The following NRXN1 variants were observed in gnomAD, a reference collection of about 807,000 sequenced individuals.
NRXN1 encodes neurexin 1.
NRXN1 carries 39 observed loss-of-function variants against 150.9 expected under a neutral mutation model. That is an observed-to-expected ratio of 0.26 (90% CI 0.20 to 0.34). NRXN1 has a LOEUF of 0.34. Ranked by LOEUF, NRXN1 falls within the 10% of genes least tolerant of loss-of-function variation. The probability of loss-of-function intolerance (pLI) is 1.00; values close to 1 mark genes in which losing one functional copy is unlikely to be tolerated. For synonymous variants in NRXN1, 924 were observed against 757.0 expected, an observed-to-expected ratio of 1.22 and a Z score of -3.62; for missense variants, 1,815 against 1,949.9, an observed-to-expected ratio of 0.93 and a Z score of 1.30.
At chr2:50,474,120 A>G (rs1326735933) in intron 15 of NRXN1, among the ~76,000 whole-genome samples, 2 of 151,966 alleles carry the variant, frequency 1.3e-5, no homozygotes, top group African/African-American at 4.8e-5. Context: ...TTTTGGTCAG[A>G]GAGGGGATAC....
At chr2:50,286,512 T>A (rs1402749881) in intron 17 of NRXN1, among the ~76,000 whole-genome samples, 1 of 152,202 alleles carries the variant, frequency 6.6e-6, no homozygotes, top group Non-Finnish European at 1.5e-5. Context: ...TATACCTTTT[T>A]AAAAAATATT....
intron 21 of NRXN1, among the ~76,000 whole-genome samples, chr2:49,976,316 T>C (rs1678983230): frequency 6.6e-6 from 1 of 151,882 alleles, no homozygotes; most frequent in Non-Finnish European, 1.5e-5. Context: ...TATAGAGGCA[T>C]GAGCCACCCT....
chr2:50,346,109 A>AT lies in NRXN1; in HGVS notation c.3365-109140dup, dbSNP rs970385302. On this transcript the variant is annotated intron_variant, in intron 17 of 22. Coordinates refer to ENST00000401669, the MANE Select transcript of NRXN1 (RefSeq NM_001330078.2). The surrounding 1 kb of genome is among the most constrained non-coding windows in gnomAD (Gnocchi z 5.0). ...CTCGGTTGCCCTCCTAGCTTTTCTAATTAAGGGAAGGCGTGGGGGCAAAAG... is the reference window on the plus strand; with the variant it reads ...CTCGGTTGCCCTCCTAGCTTTTCTAATTTAAGGGAAGGCGTGGGGGCAAAAG... Among the ~76,000 whole-genome samples, 3 of 152,300 alleles carry AT rather than the reference A, an allele frequency of 2.0e-5. No homozygotes were observed. Among genetic ancestry groups the AT allele is most frequent in the African/African-American group, 7.2e-5 (3 of 41,574 alleles).
intron 17 of NRXN1, among the ~76,000 whole-genome samples, chr2:50,427,847 T>G (rs1400912618): frequency 1.3e-5 from 2 of 152,204 alleles, no homozygotes; most frequent in Non-Finnish European, 2.9e-5. Flanking sequence ...ATATTTTGTC[T>G]TCTGCCATGT....
chr2:50,695,401 G>A (rs1320982814), intron 5 of NRXN1, among the ~76,000 whole-genome samples: 2 of 152,136 alleles, frequency 1.3e-5, no homozygotes, highest in Non-Finnish European at 2.9e-5. Flanking sequence ...ATAACATAAA[G>A]TGGTGTACCT....
chr2:50,750,273 T>C (rs1334626725), intron 5 of NRXN1, among the ~76,000 whole-genome samples: 1 of 152,082 alleles, frequency 6.6e-6, no homozygotes, highest in Non-Finnish European at 1.5e-5. Context: ...ATTTTTTTCA[T>C]TTCTGTTTTG....
chr2:50,201,913 C>A lies in NRXN1; in HGVS notation c.3546+34876G>T, dbSNP rs113597227. Reference sequence around the variant, plus strand: ...GGTTTTGTATTTCTCCTTTTCCTTACCTGTATTTAAAAGTTTTCCTTAAGT... The same window carrying A: ...GGTTTTGTATTTCTCCTTTTCCTTAACTGTATTTAAAAGTTTTCCTTAAGT... On this transcript the variant is annotated intron_variant, in intron 18 of 22. Coordinates refer to ENST00000401669, the MANE Select transcript of NRXN1 (RefSeq NM_001330078.2). Among the ~76,000 whole-genome samples the A allele has an allele frequency of 8.6e-3, 1,314 of 152,250 alleles. 24 individuals carry two copies. The highest frequency in any genetic ancestry group is 0.03 in the African/African-American group (1,242 of 41,558).
At chr2:51,013,109 G>A (rs1301888188) in intron 2 of NRXN1, among the ~76,000 whole-genome samples, 1 of 152,036 alleles carries the variant, frequency 6.6e-6, no homozygotes, top group Non-Finnish European at 1.5e-5. Flanking sequence ...AGTACTGGGA[G>A]GATACCCTGG....
intron 18 of NRXN1, among the ~76,000 whole-genome samples, chr2:50,185,215 A>G (rs1304804670): frequency 6.6e-6 from 1 of 152,076 alleles, no homozygotes; most frequent in African/African-American, 2.4e-5. Flanking sequence ...AGTTGAATGC[A>G]TCTGATCTAT....
intron 18 of NRXN1, among the ~76,000 whole-genome samples, chr2:50,106,355 G>T (rs1701641932): frequency 6.6e-6 from 1 of 151,936 alleles, no homozygotes; most frequent in African/African-American, 2.4e-5. Context: ...TTATACCAGT[G>T]CTGCCCTGAA....
Position 49,922,267 on chromosome 2 carries a change from T to C in NRXN1, c.4217-16A>G, listed in dbSNP as rs74520052. The C allele has an allele frequency of 6.2e-7, 1 of 1,607,878 alleles. No homozygotes were observed. The highest frequency in any genetic ancestry group is 8.5e-7 in the Non-Finnish European group (1 of 1,176,326). Reference sequence around the variant, plus strand: ...GTTGGGTTGGCTATAGAAAAGAGGATGAGAACAAACACAAAGTGATCATTG... The same window carrying C: ...GTTGGGTTGGCTATAGAAAAGAGGACGAGAACAAACACAAAGTGATCATTG... On this transcript the variant is annotated splice_polypyrimidine_tract_variant and intron_variant, in intron 22 of 22. Transcript: ENST00000401669.
chr2:50,627,332 T>C (rs966752037), intron 5 of NRXN1, among the ~76,000 whole-genome samples: 1 of 149,358 alleles, frequency 6.7e-6, no homozygotes, highest in Admixed American at 6.7e-5. Context: ...TGATGATAGG[T>C]AGTCAAGTGG....
intron 5 of NRXN1, chr2:50,917,211 C>G (rs1385578193): frequency 1.3e-5 from 2 of 151,498 alleles, no homozygotes; most frequent in Admixed American, 1.3e-4. Flanking sequence ...AAGGGTCTGT[C>G]AACATTCACA....
chr2:50,552,228 G>A (rs759484636), intron 9 of NRXN1, among the ~76,000 whole-genome samples: 4 of 152,004 alleles, frequency 2.6e-5, no homozygotes. Flanking sequence ...GCCACTTCGG[G>A]TACCTCCAAA....
intron 2 of NRXN1, among the ~76,000 whole-genome samples, chr2:50,934,002 C>T (rs1425039525): frequency 1.3e-5 from 2 of 152,056 alleles, no homozygotes; most frequent in African/African-American, 4.8e-5. Flanking sequence ...AAAACAATTT[C>T]AAGAAAATTT....
chr2:50,718,271 A>G (rs1307650368), intron 5 of NRXN1, among the ~76,000 whole-genome samples: 2 of 152,194 alleles, frequency 1.3e-5, no homozygotes, highest in African/African-American at 2.4e-5. Context: ...AATCTTGGGC[A>G]TAAGTGCATG....
chr2:50,759,794 GACC>G (rs1189408502), intron 5 of NRXN1, among the ~76,000 whole-genome samples: 1 of 150,900 alleles, frequency 6.6e-6, no homozygotes, highest in Non-Finnish European at 1.5e-5. Flanking sequence ...AAACTTTTCT[GACC>G]AATGCTTAGC....
intron 5 of NRXN1, among the ~76,000 whole-genome samples, chr2:50,800,372 T>C (rs1707420031): frequency 6.6e-6 from 1 of 152,142 alleles, no homozygotes; most frequent in Non-Finnish European, 1.5e-5. Flanking sequence ...CATTTTTTTC[T>C]ATGGTACGTT....
At chr2:50,298,501 T>A (rs2073846050) in intron 17 of NRXN1, among the ~76,000 whole-genome samples, 1 of 147,326 alleles carries the variant, frequency 6.8e-6, no homozygotes. Flanking sequence ...CTGCTAGACT[T>A]TTTTAGTACA....
Sources: allele counts gnomAD v4.1 joint callset (sites outside exome capture counted in the v4.1 genomes callset), GRCh38; gene constraint gnomAD v4.1.1; non-coding constraint Gnocchi (gnomAD v3.1); transcripts MANE v1.5; gene names NCBI Gene and HGNC (gene_info 2026-07-23, HGNC 2026-07-21).